The following NRG3 variants were observed in gnomAD, a reference collection of about 807,000 sequenced individuals.
The protein encoded by NRG3 is neuregulin 3, also known as pro-neuregulin-3, membrane-bound isoform.
In NRG3, 31 loss-of-function variants were observed where a neutral mutation model predicts 66.9. The observed-to-expected ratio is 0.46, with a 90% CI of 0.35 to 0.63. The LOEUF (loss-of-function observed/expected upper bound fraction) is 0.63. Ranked by LOEUF, NRG3 falls within the 20% of genes least tolerant of loss-of-function variation. The pLI, the probability that NRG3 is intolerant of heterozygous loss-of-function variation, is 0.00. For synonymous variants in NRG3, 393 were observed against 359.4 expected, an observed-to-expected ratio of 1.09 and a Z score of -1.06; for missense variants, 910 against 878.9, an observed-to-expected ratio of 1.04 and a Z score of -0.45.
chr10:81,951,066 A>G (rs1296111449), intron 1 of NRG3, among the ~76,000 whole-genome samples: 3 of 152,198 alleles, frequency 2.0e-5, no homozygotes, highest in South Asian at 2.1e-4. Context: ...TGGTTAGAAC[A>G]TCAGCATTTA....
intron 2 of NRG3, among the ~76,000 whole-genome samples, chr10:82,588,281 G>A (rs868537773): frequency 6.6e-6 from 1 of 152,166 alleles, no homozygotes; most frequent in Non-Finnish European, 1.5e-5. Context: ...TCCTCTTGAT[G>A]ATGAGTGAGT....
intron 2 of NRG3, among the ~76,000 whole-genome samples, chr10:82,643,193 A>G (rs1565158407): frequency 6.6e-6 from 1 of 152,066 alleles, no homozygotes; most frequent in South Asian, 2.1e-4. Context: ...TAATTCCCAC[A>G]TGTTGCCAGA....
At chr10:82,113,049 T>C (rs2067485992) in intron 1 of NRG3, among the ~76,000 whole-genome samples, 1 of 152,176 alleles carries the variant, frequency 6.6e-6, no homozygotes, top group Non-Finnish European at 1.5e-5. Context: ...TTTGCTTATA[T>C]TTACCAAGAT....
intron 4 of NRG3, among the ~76,000 whole-genome samples, chr10:82,896,175 A>G (rs938477228): frequency 6.6e-6 from 1 of 152,244 alleles, no homozygotes; most frequent in African/African-American, 2.4e-5. Context: ...GCTGACATTT[A>G]TTGAGCCTCT....
intron 2 of NRG3, among the ~76,000 whole-genome samples, chr10:82,418,303 C>A (rs981158799): frequency 3.3e-5 from 5 of 151,674 alleles, no homozygotes; most frequent in African/African-American, 9.7e-5. Context: ...ATCAAATCAC[C>A]CACAAGGTAG....
intron 3 of NRG3, among the ~76,000 whole-genome samples, chr10:82,778,963 C>T (rs1407468770): frequency 6.6e-6 from 1 of 152,074 alleles, no homozygotes; most frequent in Admixed American, 6.5e-5. Context: ...AGCAGTTTAA[C>T]TGGGGTCTGG....
intron 2 of NRG3, among the ~76,000 whole-genome samples, chr10:82,400,072 G>T (rs1396968881): frequency 6.6e-6 from 1 of 152,120 alleles, no homozygotes; most frequent in African/African-American, 2.4e-5. Context: ...ATCGTTTACA[G>T]ATATTAAATA....
intron 2 of NRG3, among the ~76,000 whole-genome samples, chr10:82,734,827 C>T (rs2245264): frequency 0.55 from 82,700 of 151,600 alleles, 23,170 homozygotes; most frequent in Admixed American, 0.6. Context: ...AGACCAACTT[C>T]GGCAACCTAG....
At chr10:82,245,855 C>T (rs115842423) in intron 1 of NRG3, among the ~76,000 whole-genome samples, 206 of 152,128 alleles carry the variant, frequency 1.4e-3, no homozygotes, top group African/African-American at 4.5e-3. Flanking sequence ...AGATTTATTT[C>T]GGCATTCCCT....
chr10:82,216,460 A>ATATATGTGTGTG (rs1554851844), intron 1 of NRG3, among the ~76,000 whole-genome samples: 5,004 of 146,284 alleles, frequency 0.034, 107 homozygotes, highest in Admixed American at 0.043. Context: ...TTTTATATAT[A>ATATATGTGTGTG]TGTGTGTGTG....
chr10:82,119,717 G>C (rs188289940), intron 1 of NRG3, among the ~76,000 whole-genome samples: 1 of 152,174 alleles, frequency 6.6e-6, no homozygotes, highest in Admixed American at 6.5e-5. Context: ...AAATATACAG[G>C]GAGGCTTCTT....
intron 1 of NRG3, among the ~76,000 whole-genome samples, chr10:82,264,120 A>C (rs183971684): frequency 6.6e-6 from 1 of 152,310 alleles, no homozygotes; most frequent in East Asian, 1.9e-4. Flanking sequence ...TCAGGGGAGA[A>C]ATAGGGGCTG....
Position 82,627,034 on chromosome 10 carries a change from T to C in NRG3, c.954-111543T>C, listed in dbSNP as rs117508099. On this transcript the variant is annotated intron_variant, in intron 2 of 8. Transcript: ENST00000372141. The stretch of plus-strand genomic sequence containing the variant: ...TTTTTTACCATATTGATGTTCATTG[T>C]AGTTTAAATAACTCTACAGTGGTTG... Among the ~76,000 whole-genome samples, 1,438 of 152,246 alleles carry C rather than the reference T, an allele frequency of 9.4e-3. 15 individuals are homozygous for C. The highest frequency in any genetic ancestry group is 0.014 in the Non-Finnish European group (929 of 68,016).
rs1554884193 is a variant in NRG3 at position 82,321,301 on chromosome 10, T to TCG, written c.824-37438_824-37437insCG. ...CCTGTCACACATCCTGTGGCAGGGGTGGGGGTGGGGGTCAGGGAACTCTCC... is the reference window on the plus strand; with the variant it reads ...CCTGTCACACATCCTGTGGCAGGGGTCGGGGGGTGGGGGTCAGGGAACTCTCC... On this transcript the variant is annotated intron_variant, in intron 1 of 8. Transcript: ENST00000372141. Among the ~76,000 whole-genome samples, 146 of 138,020 alleles carry TCG rather than the reference T, an allele frequency of 1.1e-3. 2 individuals carry two copies. The highest frequency in any genetic ancestry group is 3.8e-3 in the African/African-American group (134 of 34,966). The allele number at this position is 138,020 out of a possible 152,430, so 90.5% of individuals were successfully genotyped here. A position where few individuals can be genotyped will look rare whatever the true frequency, so the allele number is the denominator to read the frequency against.
At chr10:82,186,441 A>G (rs1038665640) in intron 1 of NRG3, among the ~76,000 whole-genome samples, 2 of 152,178 alleles carry the variant, frequency 1.3e-5, no homozygotes, top group African/African-American at 4.8e-5. Context: ...CTGGTCACTG[A>G]CAGGTTACTC....
intron 2 of NRG3, among the ~76,000 whole-genome samples, chr10:82,524,340 A>G (rs953435572): frequency 5.3e-5 from 8 of 152,026 alleles, no homozygotes; most frequent in African/African-American, 1.7e-4. Context: ...ATGTAAAAAT[A>G]TATACCATTA....
chr10:82,801,867 T>C (rs945804253), intron 3 of NRG3, among the ~76,000 whole-genome samples: 3 of 152,210 alleles, frequency 2.0e-5, no homozygotes, highest in Non-Finnish European at 2.9e-5. Flanking sequence ...ACACATTCAA[T>C]GTAACACTCA....
intron 1 of NRG3, among the ~76,000 whole-genome samples, chr10:81,975,410 C>T (rs1179882503): frequency 6.6e-6 from 1 of 151,726 alleles, no homozygotes; most frequent in Admixed American, 6.6e-5. Flanking sequence ...TAATGCATGA[C>T]ATTTATCATG....
intron 4 of NRG3, among the ~76,000 whole-genome samples, chr10:82,906,776 T>C (rs1844775634): frequency 6.6e-6 from 1 of 152,176 alleles, no homozygotes; most frequent in South Asian, 2.1e-4. Flanking sequence ...GTCTCTCTTC[T>C]AGAAAGGGTG....
Sources: allele counts gnomAD v4.1 joint callset (sites outside exome capture counted in the v4.1 genomes callset), GRCh38; gene constraint gnomAD v4.1.1; transcripts MANE v1.5; gene names NCBI Gene and HGNC (gene_info 2026-07-23, HGNC 2026-07-21).